The following PLAT variants were observed in gnomAD, a reference collection of about 807,000 sequenced individuals.
PLAT encodes the protein tissue-type plasminogen activator.
PLAT carries 48 observed loss-of-function variants against 74.9 expected under a neutral mutation model. The observed-to-expected ratio is 0.64, with a 90% CI of 0.51 to 0.82. The LOEUF (loss-of-function observed/expected upper bound fraction) is 0.82. Among genes scored for constraint, PLAT ranks in the 40% least tolerant of loss-of-function variants. The pLI, the probability that PLAT is intolerant of heterozygous loss-of-function variation, is 0.00. For synonymous variants in PLAT, 307 were observed against 294.4 expected, an observed-to-expected ratio of 1.04 and a Z score of -0.44; for missense variants, 673 against 736.2, an observed-to-expected ratio of 0.91 and a Z score of 0.99.
rs753017094 is a variant in PLAT at position 42,189,039 on chromosome 8, A to G, written c.148T>C (p.Tyr50His). Residue 50 changes from tyrosine to histidine, a missense_variant, in exon 4 of 14, where the codon TAC (tyrosine) becomes CAC (histidine). By Grantham distance (83) the Tyr-to-His change is moderately conservative. Transcript: ENST00000220809. The part of the protein sequence containing the change: ...ICRDEKTQMI[Y>H]QQHQSWLRPV... ...CGCAGCCATGACTGATGTTGCTGGT[A>G]TATCATCTGCGTTTTTTCATCTCTG... 30 of 1,613,854 alleles carry G rather than the reference A, an allele frequency of 1.9e-5. No individual in the cohort carries two copies. The African/African-American group carries it at 2.0e-4, about 11-fold the overall frequency.
chr8:42,181,862 A>C, intron 9 of PLAT, 75 bp downstream of exon 9: 1 of 869,718 alleles, frequency 1.1e-6, no homozygotes, highest in African/African-American at 1.7e-5. Flanking sequence ...ACAGCCATGA[A>C]GGCCTAGAAA....
chr8:42,176,096 C>G lies in PLAT; in HGVS notation c.1586G>C (p.Gly529Ala), dbSNP rs759716991. 2 of 1,613,784 alleles carry G rather than the reference C, an allele frequency of 1.2e-6. No individual in the cohort carries two copies. Among genetic ancestry groups the G allele is most frequent in the South Asian group, 2.2e-5 (2 of 91,010 alleles). The change falls in exon 14 of 14, where the codon GGC becomes GCC. Residue 529 changes from glycine (G) to alanine (A), a missense_variant. Transcript: ENST00000220809. ...CLNDGRMTLV[G>A]IISWGLGCGQ... is the part of the protein sequence containing the mutation. ...ACAGCCCAGGCCCCAGCTGATGATG[C>G]CCACCAAAGTCATGCGGCCATCGTT...
At chr8:42,202,766 G>C (rs1037440441) in intron 1 of PLAT, among the ~76,000 whole-genome samples, 3 of 152,144 alleles carry the variant, frequency 2.0e-5, no homozygotes, top group African/African-American at 7.2e-5. Context: ...GGGTGGGCTT[G>C]GAGTGGAATG....
At chr8:42,178,732 C>T (rs1478883199) in intron 13 of PLAT, among the ~76,000 whole-genome samples, 165 bp downstream of exon 13, 2 of 152,238 alleles carry the variant, frequency 1.3e-5, no homozygotes, top group Admixed American at 6.5e-5. Flanking sequence ...TGATCTTCCT[C>T]CAGTTGCTTT....
chr8:42,204,706 T>C (rs1346135938), intron 1 of PLAT, among the ~76,000 whole-genome samples: 3 of 134,554 alleles, frequency 2.2e-5, no homozygotes, highest in Non-Finnish European at 3.1e-5. Flanking sequence ...AAAGCGAGAC[T>C]CCATCTTAAA....
chr8:42,180,420 A>G (rs1805188184), intron 10 of PLAT, 42 bp from the exon 11 acceptor site: 1 of 1,613,880 alleles, frequency 6.2e-7, no homozygotes, highest in Middle Eastern at 1.7e-4. Context: ...TTGCTGTGGG[A>G]TTTCCCCTAA....
At chr8:42,203,992 T>TATATATATATATATATATACACACACAC (rs1554499838) in intron 1 of PLAT, among the ~76,000 whole-genome samples, 2 of 109,862 alleles carry the variant, frequency 1.8e-5, no homozygotes, top group African/African-American at 1.0e-4. Context: ...TATATATATA[T>TATATATATATATATATATACACACACAC]ACACACACAC....
chr8:42,181,807 T>C (rs1033894266), intron 9 of PLAT, 130 bp downstream of exon 9: 1 of 153,466 alleles, frequency 6.5e-6, no homozygotes, highest in Non-Finnish European at 1.3e-5. Flanking sequence ...GGAAGCCCCC[T>C]CCCCACCCAG....
chr8:42,195,232 G>A (rs533606703), intron 1 of PLAT, among the ~76,000 whole-genome samples: 31 of 147,990 alleles, frequency 2.1e-4, no homozygotes, highest in African/African-American at 7.0e-4. Flanking sequence ...GAACTCCCCC[G>A]TGGGAGGTGC....
chr8:42,188,024 G>A lies in PLAT; in HGVS notation c.254-8C>T. 1 of 1,576,574 alleles carries A rather than the reference G, an allele frequency of 6.3e-7. No homozygotes were observed. Among genetic ancestry groups the A allele is most frequent in the Non-Finnish European group, 8.7e-7 (1 of 1,146,820 alleles). ...ACCTTGGCTCGCTGCAACCTGTCAA[G>A]TATAAAAAAGGAAGCCCCTAATGAC... On this transcript the variant is annotated splice_polypyrimidine_tract_variant and splice_region_variant and intron_variant, in intron 4 of 13. Coordinates refer to ENST00000220809, the MANE Select transcript of PLAT (RefSeq NM_000930.5).
chr8:42,207,261 A>G (rs1300602547), intron 1 of PLAT, among the ~76,000 whole-genome samples: 1 of 152,092 alleles, frequency 6.6e-6, no homozygotes, highest in Admixed American at 6.5e-5. Context: ...CAACCTCCCT[A>G]GTCTCCCTTT....
At chr8:42,183,362 C>T (rs1050182736) in intron 7 of PLAT, among the ~76,000 whole-genome samples, 1 of 152,276 alleles carries the variant, frequency 6.6e-6, no homozygotes, top group Non-Finnish European at 1.5e-5. Context: ...GGTTTCATCT[C>T]CACCGGAAGT....
rs559353863 is a variant in PLAT, at chr8:42,180,608, G to C, written c.967C>G (p.Pro323Ala). The C allele has an allele frequency of 2.5e-6, 4 of 1,613,154 alleles. No individual in the cohort carries two copies. Among genetic ancestry groups the C allele is most frequent in the South Asian group, 1.1e-5 (1 of 90,998 alleles). The part of the protein sequence containing the change: ...GGLFADIASH[P>A]WQAAIFAKHR... ...TTGGCAAAGATGGCAGCCTGCCAGG[G>C]GTGGGAGGCGATGTCGGCGAAGAGC... Residue 323 changes from proline (P) to alanine (A), a missense_variant, in exon 10 of 14, where the codon CCC becomes GCC. Coordinates refer to ENST00000220809, the MANE Select transcript of PLAT (RefSeq NM_000930.5).
chr8:42,179,887 C>T, intron 12 of PLAT, 39 bp downstream of exon 12: 2 of 1,526,206 alleles, frequency 1.3e-6, no homozygotes, highest in South Asian at 1.3e-5. Flanking sequence ...CCCCTGCTGT[C>T]CCGCAGACAG....
At chr8:42,183,593 G>A (rs1805335442) in intron 7 of PLAT, among the ~76,000 whole-genome samples, 1 of 152,166 alleles carries the variant, frequency 6.6e-6, no homozygotes, top group Admixed American at 6.5e-5. Context: ...AGGATCTGAT[G>A]ATGGGCTTGG....
intron 9 of PLAT, 29 bp from the exon 10 acceptor site, chr8:42,180,714 A>G: frequency 6.6e-7 from 1 of 1,519,788 alleles, no homozygotes. Flanking sequence ...GGAGGCAGTC[A>G]GTCCCACAGG....
At chr8:42,194,050 C>CTGTTTTTTTTTTTT (rs1805797948) in intron 1 of PLAT, among the ~76,000 whole-genome samples, 1 of 84,910 alleles carries the variant, frequency 1.2e-5, no homozygotes, top group Non-Finnish European at 2.0e-5. Context: ...TTTCTTCTTT[C>CTGTTTTTTTTTTTT]TTTTTTTTTT....
rs1554499838 is a variant in PLAT, at chr8:42,203,992, T to TATATACAC, written c.-27+3501_-27+3502insGTGTATAT. 4.6e-5 allele frequency among the ~76,000 whole-genome samples: 5 copies of TATATACAC among 109,862 alleles called. 1 individual carries two copies. The highest frequency in any genetic ancestry group is 2.8e-4 in the South Asian group (1 of 3,582). The allele number at this position is 109,862 out of a possible 152,430, so 72.1% of individuals were successfully genotyped here. On this transcript the variant is annotated intron_variant, in intron 1 of 13. Transcript: ENST00000220809. ...AATTATATATATATATATATATATA[T>TATATACAC]ACACACACACACACACACACACACA...
chr8:42,199,009 G>A (rs1380962944), intron 1 of PLAT, among the ~76,000 whole-genome samples: 5 of 152,210 alleles, frequency 3.3e-5, no homozygotes, highest in Non-Finnish European at 7.3e-5. Context: ...AGAGGAACTA[G>A]CCTTGGAAAG....
Sources: gnomAD v4.1 joint callset for allele counts (sites outside exome capture counted in the v4.1 genomes callset) on GRCh38, gnomAD v4.1.1 for gene constraint, MANE v1.5 for transcripts, NCBI Gene and HGNC (gene_info 2026-07-23, HGNC 2026-07-21) for gene names.